Variants in SEPTIN9 observed in about 807,000 individuals in gnomAD.
SEPTIN9 encodes the protein septin 9, also known as septin-9.
In SEPTIN9, 13 loss-of-function variants were observed where a neutral mutation model predicts 56.6. That is an observed-to-expected ratio of 0.23 (90% confidence interval 0.15 to 0.37). The LOEUF (loss-of-function observed/expected upper bound fraction) is 0.37. Ranked by LOEUF, SEPTIN9 falls within the 10% of genes least tolerant of loss-of-function variation. SEPTIN9 has a pLI of 1.00. For synonymous variants in SEPTIN9, 332 were observed against 334.1 expected, an observed-to-expected ratio of 0.99 and a Z score of 0.07; for missense variants, 650 against 823.1, an observed-to-expected ratio of 0.79 and a Z score of 2.57.
At chr17:77,480,189 T>A (rs2039398173) in intron 3 of SEPTIN9, among the ~76,000 whole-genome samples, 1 of 152,182 alleles carries the variant, frequency 6.6e-6, no homozygotes, top group Non-Finnish European at 1.5e-5. Flanking sequence ...CAAGGAATTA[T>A]ATTGTTCCTT....
rs532480801 is a variant in SEPTIN9 at position 77,455,248 on chromosome 17, C to T, written c.722-26896C>T. ...TGCTCTTGGAACCCCAACTCTGGGT[C>T]GGTCTCAGGGGACTGACGTTGATGG... On this transcript the variant is annotated intron_variant, in intron 3 of 11. Transcript: ENST00000427177. Among the ~76,000 whole-genome samples the T allele has an allele frequency of 4.6e-5, 7 of 152,274 alleles. No individual in the cohort carries two copies. The East Asian group carries it at 1.2e-3, about 25-fold the overall frequency.
At chr17:77,486,523 C>T (rs549841175) in intron 4 of SEPTIN9, among the ~76,000 whole-genome samples, 12,011 of 100,650 alleles carry the variant, frequency 0.12, 597 homozygotes, top group Middle Eastern at 0.23. Context: ...TGTGTGTGTG[C>T]GCGCACGCGC....
In SEPTIN9 at chr17:77,499,433, T is replaced by C. The variant is rs1234633052; in HGVS notation, c.*775T>C. ...GTGCTGCTGATGCGCTGGGATCTGA[T>C]TGAGGATAAAAAGGAAGGAGAGATG... On this transcript the variant is annotated 3_prime_UTR_variant, in exon 12 of 12. Transcript: ENST00000427177. The C allele has an allele frequency of 2.2e-5, 12 of 535,616 alleles. No homozygotes were observed. The highest frequency in any genetic ancestry group is 3.3e-5 in the Non-Finnish European group (9 of 275,952). The allele number at this position is 535,616 out of a possible 1,614,324, so 33.2% of individuals were successfully genotyped here.
intron 3 of SEPTIN9, among the ~76,000 whole-genome samples, chr17:77,407,627 G>A (rs2036136413): frequency 6.6e-6 from 1 of 152,136 alleles, no homozygotes. Context: ...GGGAGGGAGA[G>A]GAAGAGAGGC....
At chr17:77,373,868 T>A in intron 2 of SEPTIN9, 1 of 337,548 alleles carries the variant, frequency 3.0e-6, no homozygotes, top group Non-Finnish European at 5.3e-6. Flanking sequence ...GACAGCGACC[T>A]CCTCGAGGGC....
rs776769902 is a variant in SEPTIN9 at position 77,475,787 on chromosome 17, G to A, written c.722-6357G>A. The A allele has an allele frequency of 1.2e-6, 2 of 1,613,356 alleles. No individual in the cohort carries two copies. Among genetic ancestry groups the A allele is most frequent in the South Asian group, 2.2e-5 (2 of 91,082 alleles). On this transcript the variant is annotated intron_variant, in intron 3 of 11. Coordinates refer to ENST00000427177, the MANE Select transcript of SEPTIN9 (RefSeq NM_001113491.2). The surrounding 1 kb of genome is among the most constrained non-coding windows in gnomAD (Gnocchi z 4.6). ...CACGGGCCTGGAAGGCTGACAGGGT[G>A]TGGTGAGTGCCACCGGCTCCCCTGC... is the stretch of plus-strand genomic sequence containing the variant.
At chr17:77,325,990 C>T (rs897893224) in intron 2 of SEPTIN9, among the ~76,000 whole-genome samples, 6 of 152,248 alleles carry the variant, frequency 3.9e-5, no homozygotes, top group South Asian at 2.1e-4. Flanking sequence ...GGAAGTGGGG[C>T]GTGAGGGTGT....
In SEPTIN9 at chr17:77,405,239, C is replaced by A; in HGVS notation, c.721+2536C>A. The A allele has an allele frequency of 2.9e-6, 3 of 1,022,712 alleles. No individual in the cohort carries two copies. Among genetic ancestry groups the A allele is most frequent in the Non-Finnish European group, 4.3e-6 (3 of 704,104 alleles). 63.4% of individuals were successfully genotyped at this position (1,022,712 alleles called of 1,614,324 possible). On this transcript the variant is annotated intron_variant, in intron 3 of 11. Transcript: ENST00000427177. This position sits in a 1 kb window ranked among gnomAD's most constrained non-coding sequence, Gnocchi z 5.8. Reference sequence around the variant, plus strand: ...GCCAGAGACTGTGCCGGGAGCCAGGCCCAGGGACACAACCTGCGGGCTCTG... The same window carrying A: ...GCCAGAGACTGTGCCGGGAGCCAGGACCAGGGACACAACCTGCGGGCTCTG...
At position 77,499,470 on chromosome 17, in the gene SEPTIN9, C is replaced by T. The variant is rs758271719; in HGVS notation, c.*812C>T. The T allele has an allele frequency of 1.9e-6, 1 of 517,172 alleles. No individual in the cohort carries two copies. Among genetic ancestry groups the T allele is most frequent in the South Asian group, 1.6e-5 (1 of 62,638 alleles). The allele number at this position is 517,172 out of a possible 1,614,324, so 32.0% of individuals were successfully genotyped here. The stretch of plus-strand genomic sequence containing the variant: ...AGGAAGGAGAGATGACCCCTACCCC[C>T]TCATCCCCCAGTTTTGAAAAGGTCT... On this transcript the variant is annotated 3_prime_UTR_variant, in exon 12 of 12. Coordinates refer to ENST00000427177, the MANE Select transcript of SEPTIN9 (RefSeq NM_001113491.2).
At chr17:77,484,742 G>A (rs868508674) in intron 4 of SEPTIN9, among the ~76,000 whole-genome samples, 9 of 53,470 alleles carry the variant, frequency 1.7e-4, no homozygotes, top group African/African-American at 9.3e-4. Flanking sequence ...GATGGTGGTG[G>A]TGGTGGTTGT....
intron 2 of SEPTIN9, chr17:77,322,961 T>A (rs529377396): frequency 6.6e-6 from 1 of 152,544 alleles, no homozygotes; most frequent in Non-Finnish European, 1.5e-5. Context: ...GGGTGCCTCA[T>A]GCCCCACTGG....
At chr17:77,294,286 G>T (rs1051239869) in intron 1 of SEPTIN9, among the ~76,000 whole-genome samples, 1 of 152,054 alleles carries the variant, frequency 6.6e-6, no homozygotes, top group African/African-American at 2.4e-5. Context: ...CAGGTGTGAT[G>T]ACGCACGCCT....
At position 77,497,371 on chromosome 17, in the gene SEPTIN9, GAGAC is replaced by G. The variant is rs1345815337; in HGVS notation, c.1625+8_1625+11del. 6.2e-7 allele frequency: 1 copy of G among 1,613,570 alleles called. No homozygotes were observed. The highest frequency in any genetic ancestry group is 8.5e-7 in the Non-Finnish European group (1 of 1,179,656). ...CCTGCGGGACCTTCTCATCAGGTGAGAGACAGGGTGCTTGGGTGGGGCTGACGGC... is the reference window on the plus strand; with the variant it reads ...CCTGCGGGACCTTCTCATCAGGTGAGAGGGTGCTTGGGTGGGGCTGACGGC... On this transcript the variant is annotated splice_donor_region_variant and intron_variant, in intron 11 of 11. Transcript: ENST00000427177.
chr17:77,425,893 C>G lies in SEPTIN9; in HGVS notation c.721+23190C>G, dbSNP rs756152673. ...CCCAGCCCTCCTGGAGCTGAGCATCCTGATCTGTAGAGGAGAGGCTGCTGT... is the reference window on the plus strand; with the variant it reads ...CCCAGCCCTCCTGGAGCTGAGCATCGTGATCTGTAGAGGAGAGGCTGCTGT... On this transcript the variant is annotated intron_variant, in intron 3 of 11. Transcript: ENST00000427177. This position sits in a 1 kb window ranked among gnomAD's most constrained non-coding sequence, Gnocchi z 4.2. Among the ~76,000 whole-genome samples the G allele has an allele frequency of 1.3e-5, 2 of 152,244 alleles. No homozygotes were observed. The highest frequency in any genetic ancestry group is 4.8e-5 in the African/African-American group (2 of 41,456).
At chr17:77,321,590 G>C (rs9897631) in intron 2 of SEPTIN9, among the ~76,000 whole-genome samples, 1 of 151,752 alleles carries the variant, frequency 6.6e-6, no homozygotes, top group African/African-American at 2.4e-5. Context: ...GGGTTTCACC[G>C]TGTCAACCAG....
rs2037374866 is a variant in SEPTIN9, at chr17:77,437,209, A to G, written c.721+34506A>G. 6.6e-6 allele frequency among the ~76,000 whole-genome samples: 1 copy of G among 152,180 alleles called. No homozygotes were observed. The highest frequency in any genetic ancestry group is 6.5e-5 in the Admixed American group (1 of 15,276). The stretch of plus-strand genomic sequence containing the variant: ...CACCCCAGTGGGGCCCTGCGAGGGA[A>G]AGAAGAATGCCCTATGCAGAAGTGG... On this transcript the variant is annotated intron_variant, in intron 3 of 11. Coordinates refer to ENST00000427177, the MANE Select transcript of SEPTIN9 (RefSeq NM_001113491.2). The surrounding 1 kb of genome is among the most constrained non-coding windows in gnomAD (Gnocchi z 5.3).
chr17:77,306,495 C>T (rs1449628889), intron 1 of SEPTIN9, among the ~76,000 whole-genome samples: 2 of 152,258 alleles, frequency 1.3e-5, no homozygotes, highest in Non-Finnish European at 2.9e-5. Context: ...CAGCCCCAGG[C>T]CAAGGCCTGT....
In SEPTIN9 at chr17:77,487,551, C is replaced by A; in HGVS notation, c.1041C>A (p.His347Gln). Residue 347 changes from histidine (H) to glutamine (Q), a missense_variant and splice_region_variant, in exon 5 of 12, where the codon CAC becomes CAA. By Grantham distance (24) the His-to-Gln change is conservative. Around this residue, in one of 2 missense-constraint regions of SEPTIN9, gnomAD observed 333 missense variants for 494.0 expected, o/e 0.67. Transcript: ENST00000427177. This position sits in a 1 kb window ranked among gnomAD's most constrained non-coding sequence, Gnocchi z 4.3. Reference protein sequence around the residue: ...PKTIEIKSITHDIEEKGVRMK... With the variant: ...PKTIEIKSITQDIEEKGVRMK... ...CCATCGAGATCAAGTCCATCACGCA[C>A]GGTCAGTGGCCGGGAGTGGGCTGGG... is the stretch of plus-strand genomic sequence containing the variant. The A allele has an allele frequency of 6.2e-7, 1 of 1,613,212 alleles. No homozygotes were observed. Among genetic ancestry groups the A allele is most frequent in the Non-Finnish European group, 8.5e-7 (1 of 1,179,804 alleles).
rs930499016 is a variant in SEPTIN9, at chr17:77,498,782, A to G, written c.*124A>G. 9 of 641,160 alleles carry G rather than the reference A, an allele frequency of 1.4e-5. No homozygotes were observed. The highest frequency in any genetic ancestry group is 2.5e-5 in the Non-Finnish European group (9 of 361,128). 39.7% of individuals were successfully genotyped at this position (641,160 alleles called of 1,614,324 possible). ...TTTGTCATCGTTCCCCACCCCTTCG[A>G]CATGCTGCCAGGAAACAAGGGAAGG... On this transcript the variant is annotated 3_prime_UTR_variant, in exon 12 of 12. Transcript: ENST00000427177.
Sources: allele counts gnomAD v4.1 joint callset (sites outside exome capture counted in the v4.1 genomes callset), GRCh38; gene constraint gnomAD v4.1.1; regional missense constraint gnomAD v4.1.1; non-coding constraint Gnocchi (gnomAD v3.1); transcripts MANE v1.5; gene names NCBI Gene and HGNC (gene_info 2026-07-23, HGNC 2026-07-21).